Variants in DNAJA2 observed in about 807,000 individuals in gnomAD.
The protein encoded by DNAJA2 is dnaJ homolog subfamily A member 2.
In DNAJA2, 6 loss-of-function variants were observed where a neutral mutation model predicts 49.3. The ratio of observed to expected loss-of-function variants is 0.12; its 90% CI spans 0.07 to 0.24. The LOEUF is 0.24. Among genes scored for constraint, DNAJA2 ranks in the 10% least tolerant of loss-of-function variants. The pLI is 1.00. For synonymous variants in DNAJA2, 160 were observed against 172.7 expected (o/e 0.93, Z 0.58); for missense variants, 347 against 516.8 (o/e 0.67, Z 3.19).
At chr16:46,963,872 G>T (rs928752354) in intron 6 of DNAJA2, among the ~76,000 whole-genome samples, 3 of 152,152 alleles carry the variant, frequency 2.0e-5, no homozygotes, top group African/African-American at 7.2e-5. Flanking sequence ...AATACAGGCT[G>T]CCTTAGATCA....
At position 46,955,426 on chromosome 16, in the gene DNAJA2, T is replaced by C. The variant is rs1247339450; in HGVS notation, c.*1603A>G. 6.6e-6 allele frequency: 1 copy of C among 152,234 alleles called. No individual in the cohort carries two copies. Among genetic ancestry groups the C allele is most frequent in the Non-Finnish European group, 1.5e-5 (1 of 68,042 alleles). The allele number at this position is 152,234 out of a possible 1,614,324, so 9.4% of individuals were successfully genotyped here. Reference sequence around the variant, plus strand: ...TATATTGCCACCACATTTCTTATGTTTAAAGTGGTTGTGGGGAAGTAACCT... The same window carrying C: ...TATATTGCCACCACATTTCTTATGTCTAAAGTGGTTGTGGGGAAGTAACCT... On this transcript the variant is annotated 3_prime_UTR_variant, in exon 9 of 9. Coordinates refer to ENST00000317089, the MANE Select transcript of DNAJA2 (RefSeq NM_005880.4).
intron 8 of DNAJA2, 72 bp downstream of exon 8, chr16:46,958,931 C>T (rs541857441): frequency 6.6e-7 from 1 of 1,512,516 alleles, no homozygotes; most frequent in South Asian, 1.3e-5. Context: ...GTGACAGAGA[C>T]CCTGTCTAAA....
chr16:46,973,447 C>T (rs1962087029), intron 1 of DNAJA2, 48 bp downstream of exon 1: 2 of 1,536,644 alleles, frequency 1.3e-6, no homozygotes. Flanking sequence ...CATCCCTGGC[C>T]GCGCAGGCCC....
chr16:46,960,037 G>A (rs566389089), intron 6 of DNAJA2, among the ~76,000 whole-genome samples: 88 of 152,328 alleles, frequency 5.8e-4, no homozygotes, highest in Admixed American at 3.1e-3. Context: ...AGCCTTCAAT[G>A]TGTAGGAAAA....
chr16:46,957,752 G>A (rs1278133799), intron 8 of DNAJA2, among the ~76,000 whole-genome samples: 2 of 152,108 alleles, frequency 1.3e-5, no homozygotes, highest in East Asian at 3.9e-4. Flanking sequence ...GTCATTATCT[G>A]CCAATACTTA....
chr16:46,967,110 A>C (rs1349836150), intron 5 of DNAJA2, among the ~76,000 whole-genome samples: 1 of 152,138 alleles, frequency 6.6e-6, no homozygotes, highest in Non-Finnish European at 1.5e-5. Flanking sequence ...TTTTTGCAAC[A>C]GGGTCTTGTT....
In DNAJA2 at chr16:46,957,004, C is replaced by T; in HGVS notation, c.*25G>A. 1 of 1,613,770 alleles carries T rather than the reference C, an allele frequency of 6.2e-7. No individual in the cohort carries two copies. On this transcript the variant is annotated 3_prime_UTR_variant, in exon 9 of 9. Coordinates refer to ENST00000317089, the MANE Select transcript of DNAJA2 (RefSeq NM_005880.4). ...ATCAGGCAAATGTGGAAAGAAAATCCACCTGTGCAATTTGTTTGCAGAGTT... is the reference window on the plus strand; with the variant it reads ...ATCAGGCAAATGTGGAAAGAAAATCTACCTGTGCAATTTGTTTGCAGAGTT...
Position 46,958,895 on chromosome 16 carries a change from G to A in DNAJA2, c.1047+108C>T, listed in dbSNP as rs371783039. On this transcript the variant is annotated intron_variant, in intron 8 of 8. Coordinates refer to ENST00000317089, the MANE Select transcript of DNAJA2 (RefSeq NM_005880.4). ...GGAGGTCGAGGCTGCAGTGAGCCACGATCACACCACTACACCCCAGCCTGG... is the reference window on the plus strand; with the variant it reads ...GGAGGTCGAGGCTGCAGTGAGCCACAATCACACCACTACACCCCAGCCTGG... 2.4e-5 allele frequency: 31 copies of A among 1,291,260 alleles called. No homozygotes were observed. In the Admixed American group the frequency reaches 2.5e-4, roughly 10 times the overall value. The allele number at this position is 1,291,260 out of a possible 1,614,324, so 80.0% of individuals were successfully genotyped here. A position where few individuals can be genotyped will look rare whatever the true frequency, so the allele number is the denominator to read the frequency against.
rs376310910 is a variant in DNAJA2 at position 46,971,973 on chromosome 16, A to C, written c.79-18T>G. The C allele has an allele frequency of 6.3e-7, 1 of 1,585,802 alleles. No individual in the cohort carries two copies. The highest frequency in any genetic ancestry group is 8.7e-7 in the Non-Finnish European group (1 of 1,155,670). ...CTGTATGCCTTTGAAAATGGATAAA[A>C]ACAAAAAAGGTTATAACTAAACACC... On this transcript the variant is annotated intron_variant, in intron 1 of 8. Transcript: ENST00000317089.
chr16:46,961,317 T>C (rs1596655114), intron 6 of DNAJA2, among the ~76,000 whole-genome samples: 1 of 149,004 alleles, frequency 6.7e-6, no homozygotes, highest in African/African-American at 2.5e-5. Context: ...GAGGTGGAGG[T>C]TGCAGTGAAC....
chr16:46,957,824 G>A (rs1256003877), intron 8 of DNAJA2, among the ~76,000 whole-genome samples: 15 of 152,056 alleles, frequency 9.9e-5, no homozygotes, highest in Non-Finnish European at 1.9e-4. Context: ...ACCAGCTTAC[G>A]ATAAAGGGGT....
At chr16:46,973,440 C>T (rs1962086768) in intron 1 of DNAJA2, 55 bp downstream of exon 1, 1 of 1,515,416 alleles carries the variant, frequency 6.6e-7, no homozygotes. Flanking sequence ...AAGAAGACAT[C>T]CCTGGCCGCG....
At chr16:46,971,262 ACT>A in intron 3 of DNAJA2, 85 bp downstream of exon 3, 3 of 1,147,956 alleles carry the variant, frequency 2.6e-6, no homozygotes, top group East Asian at 5.1e-5. Context: ...AGGACAGAAC[ACT>A]CTATGAGATT....
intron 1 of DNAJA2, among the ~76,000 whole-genome samples, chr16:46,973,198 GC>G (rs1962081834): frequency 6.6e-6 from 1 of 152,160 alleles, no homozygotes; most frequent in Admixed American, 6.5e-5. Flanking sequence ...GGGGATACCA[GC>G]CCCCGGCGCT....
In DNAJA2 at chr16:46,973,506, C is replaced by T. The variant is rs746914835; in HGVS notation, c.67G>A (p.Glu23Lys). The change falls in exon 1 of 9, where the codon GAG becomes AAG. Residue 23 changes from glutamate to lysine, a missense_variant. By Grantham distance (56) the Glu-to-Lys change is moderately conservative. Transcript: ENST00000317089. ...CCGCTCCCAGATACCTTCTTCAGCT[C>T]GTTCTCGCTGGCGCCGGGCGGGACG... ...LGVPPGASENELKKAYRKLAK... is the reference protein window; with the variant it reads ...LGVPPGASENKLKKAYRKLAK... The T allele has an allele frequency of 6.2e-7, 1 of 1,603,124 alleles. No individual in the cohort carries two copies.
chr16:46,972,982 AAAC>A (rs1286183587), intron 1 of DNAJA2: 2 of 151,948 alleles, frequency 1.3e-5, no homozygotes, highest in African/African-American at 2.4e-5. Context: ...GGAACCCAGG[AAAC>A]AACCCCATCC....
chr16:46,959,687 C>T, intron 6 of DNAJA2: 1 of 323,304 alleles, frequency 3.1e-6, no homozygotes, highest in Non-Finnish European at 5.7e-6. Context: ...AAAACAGTGC[C>T]AGGTATATTC....
At chr16:46,968,217 C>T in intron 3 of DNAJA2, 53 bp from the exon 4 acceptor site, 3 of 1,333,862 alleles carry the variant, frequency 2.2e-6, no homozygotes, top group South Asian at 1.3e-5. Flanking sequence ...TTGTCAAATA[C>T]AAGATATAAG....
intron 6 of DNAJA2, among the ~76,000 whole-genome samples, chr16:46,962,996 T>C (rs1382349806): frequency 4.6e-5 from 7 of 152,222 alleles, no homozygotes; most frequent in Non-Finnish European, 1.5e-5. Context: ...AAGGACGATC[T>C]CCTTCTTTAT....
Sources: gnomAD v4.1 joint callset for allele counts (sites outside exome capture counted in the v4.1 genomes callset) on GRCh38, gnomAD v4.1.1 for gene constraint, MANE v1.5 for transcripts, NCBI Gene and HGNC (gene_info 2026-07-23, HGNC 2026-07-21) for gene names.